Variants in RBMS3 observed in about 807,000 individuals in gnomAD.
The protein encoded by RBMS3 is RNA binding motif single stranded interacting protein 3.
Under a neutral mutation model 66.8 loss-of-function variants are expected in RBMS3, and 27 were observed. The observed-to-expected ratio is 0.40, with a 90% confidence interval of 0.30 to 0.56. The LOEUF is 0.56. RBMS3 is among the 20% of genes least tolerant of loss of function. The probability of loss-of-function intolerance (pLI) is 0.40; values close to 1 mark genes in which losing one functional copy is unlikely to be tolerated. For synonymous variants in RBMS3, 188 were observed against 183.0 expected (o/e 1.03, Z -0.22); for missense variants, 513 against 549.5 (o/e 0.93, Z 0.66).
In RBMS3 at chr3:29,395,356, C is replaced by A. The variant is rs148033479; in HGVS notation, c.76-39387C>A. ...GTGTTTTATGTATGTATTTGTAAAA[C>A]GGCATGTAGGGTATGGGGAAAACAC... On this transcript the variant is annotated intron_variant, in intron 1 of 14. Transcript: ENST00000383767. Among the ~76,000 whole-genome samples the A allele has an allele frequency of 2.6e-5, 4 of 152,236 alleles. No individual in the cohort carries two copies. The East Asian group carries it at 7.7e-4, about 29-fold the overall frequency.
intron 14 of RBMS3, among the ~76,000 whole-genome samples, chr3:29,994,416 G>C (rs931010010): frequency 6.6e-6 from 1 of 152,238 alleles, no homozygotes; most frequent in African/African-American, 2.4e-5. Context: ...CTCCAACTGG[G>C]TGGAGCCCAC....
intron 7 of RBMS3, 130 bp from the exon 8 acceptor site, chr3:29,884,032 G>A: frequency 1.3e-6 from 1 of 754,326 alleles, no homozygotes; most frequent in Non-Finnish European, 2.2e-6. Context: ...TAAGCATAGA[G>A]ATATACATAG....
intron 1 of RBMS3, among the ~76,000 whole-genome samples, chr3:29,325,725 C>T (rs1200904100): frequency 6.6e-6 from 1 of 151,610 alleles, no homozygotes; most frequent in Non-Finnish European, 1.5e-5. Context: ...CACAGGTGTT[C>T]TTCTAGAATA....
rs75919771 is a variant in RBMS3 at position 29,535,046 on chromosome 3, A to G, written c.307+46547A>G. Among the ~76,000 whole-genome samples the G allele has an allele frequency of 6.4e-3, 977 of 152,312 alleles. 24 individuals carry two copies. Among genetic ancestry groups the G allele is most frequent in the Admixed American group, 0.054 (832 of 15,304 alleles). The stretch of plus-strand genomic sequence containing the variant: ...AAAGGTGTATTTTATTCCTGTGAAT[A>G]AAACTGAGTGCAAATAATGGAGGAA... On this transcript the variant is annotated intron_variant, in intron 3 of 14. Transcript: ENST00000383767.
At chr3:29,570,025 T>C (rs112288451) in intron 3 of RBMS3, among the ~76,000 whole-genome samples, 3,507 of 152,244 alleles carry the variant, frequency 0.023, 101 homozygotes, top group Admixed American at 0.09. Context: ...TAATCTGATA[T>C]CATTTTGGCT....
At chr3:29,710,041 A>G (rs780875268) in intron 4 of RBMS3, among the ~76,000 whole-genome samples, 1 of 152,232 alleles carries the variant, frequency 6.6e-6, no homozygotes, top group Non-Finnish European at 1.5e-5. Flanking sequence ...AATTAATCAA[A>G]TGGAAGGAGA....
chr3:29,336,250 A>G (rs1257269511), intron 1 of RBMS3, among the ~76,000 whole-genome samples: 1 of 152,126 alleles, frequency 6.6e-6, no homozygotes, highest in African/African-American at 2.4e-5. Context: ...TTAGGAGTGG[A>G]TGTACTTTTG....
At chr3:29,977,104 G>A (rs73829218) in intron 12 of RBMS3, among the ~76,000 whole-genome samples, 2,222 of 152,056 alleles carry the variant, frequency 0.015, 60 homozygotes, top group African/African-American at 0.051. Flanking sequence ...TTGACTTTCC[G>A]GGTTTGATGC....
intron 4 of RBMS3, among the ~76,000 whole-genome samples, chr3:29,694,852 A>T (rs2052191342): frequency 7.1e-6 from 1 of 140,788 alleles, no homozygotes; most frequent in African/African-American, 2.8e-5. Context: ...CTGCATGCAA[A>T]TTTTTTTTTA....
At chr3:29,640,187 A>G (rs1378497897) in intron 4 of RBMS3, among the ~76,000 whole-genome samples, 4 of 151,826 alleles carry the variant, frequency 2.6e-5, no homozygotes, top group Non-Finnish European at 5.9e-5. Context: ...CAGATGTACT[A>G]GGATGACTCC....
At chr3:29,802,258 C>G (rs2057413233) in intron 6 of RBMS3, among the ~76,000 whole-genome samples, 2 of 152,164 alleles carry the variant, frequency 1.3e-5, no homozygotes, top group Non-Finnish European at 2.9e-5. Flanking sequence ...TGCTATTTAT[C>G]TATCTGACCG....
At position 29,288,317 on chromosome 3, in the gene RBMS3, C is replaced by A. The variant is rs535485997; in HGVS notation, c.75+6561C>A. On this transcript the variant is annotated intron_variant, in intron 1 of 14. Coordinates refer to ENST00000383767, the MANE Select transcript of RBMS3 (RefSeq NM_001003793.3). ...ACAGGGCAGATCAAATGCTGCTTTA[C>A]TGGCTCTCTGGTGATTTGAAAAATT... 1.8e-4 allele frequency among the ~76,000 whole-genome samples: 27 copies of A among 152,128 alleles called. No individual in the cohort carries two copies. In the South Asian group the frequency reaches 5.4e-3, roughly 30 times the overall value.
intron 6 of RBMS3, among the ~76,000 whole-genome samples, chr3:29,784,875 CAA>C (rs2056767274): frequency 6.6e-6 from 1 of 151,840 alleles, no homozygotes; most frequent in Non-Finnish European, 1.5e-5. Flanking sequence ...CAAAGAAATA[CAA>C]AAGATTATTC....
intron 4 of RBMS3, among the ~76,000 whole-genome samples, chr3:29,637,146 T>C (rs929077104): frequency 1.3e-5 from 2 of 151,894 alleles, no homozygotes; most frequent in African/African-American, 4.8e-5. Context: ...TGTTGCTCAT[T>C]TGTGAGTTTA....
intron 2 of RBMS3, among the ~76,000 whole-genome samples, chr3:29,461,372 C>G (rs888817972): frequency 2.6e-5 from 4 of 152,190 alleles, no homozygotes; most frequent in African/African-American, 7.2e-5. Flanking sequence ...TCACCCTTAC[C>G]TTTGCAAGTC....
At chr3:29,508,171 A>G (rs899687023) in intron 3 of RBMS3, among the ~76,000 whole-genome samples, 2 of 152,156 alleles carry the variant, frequency 1.3e-5, no homozygotes, top group African/African-American at 2.4e-5. Flanking sequence ...GTACATTTGT[A>G]TAATATAATC....
At chr3:29,636,615 G>A (rs2049483949) in intron 4 of RBMS3, among the ~76,000 whole-genome samples, 1 of 151,912 alleles carries the variant, frequency 6.6e-6, no homozygotes. Flanking sequence ...CATTTAATGG[G>A]TTTCTAGTTG....
intron 1 of RBMS3, among the ~76,000 whole-genome samples, chr3:29,293,480 TA>T (rs1408308151): frequency 6.6e-6 from 1 of 151,780 alleles, no homozygotes; most frequent in African/African-American, 2.4e-5. Context: ...TGGGCTAACA[TA>T]AGCCTTTGTT....
intron 4 of RBMS3, among the ~76,000 whole-genome samples, chr3:29,691,947 C>CTCTCTTTTTTTTTT (rs1218393454): frequency 1.9e-5 from 1 of 53,548 alleles, no homozygotes; most frequent in African/African-American, 7.5e-5. Context: ...CTCTCTCTCT[C>CTCTCTTTTTTTTTT]TATTTTTTTT....
Sources: gnomAD v4.1 joint callset for allele counts (sites outside exome capture counted in the v4.1 genomes callset) on GRCh38, gnomAD v4.1.1 for gene constraint, MANE v1.5 for transcripts, NCBI Gene and HGNC (gene_info 2026-07-23, HGNC 2026-07-21) for gene names.